Variants in POLR1B observed in about 807,000 individuals in gnomAD.
The protein encoded by POLR1B is RNA polymerase I subunit B.
A neutral mutation model predicts 105.8 loss-of-function variants in POLR1B; 30 were observed. That is an observed-to-expected ratio of 0.28 (90% CI 0.21 to 0.38). The LOEUF is 0.38. Among genes scored for constraint, POLR1B ranks in the 10% least tolerant of loss-of-function variants. The pLI is 1.00. For synonymous variants in POLR1B, 485 were observed against 505.1 expected (o/e 0.96, Z 0.53); for missense variants, 976 against 1,435.8 (o/e 0.68, Z 5.17).
rs1426111020 is a variant in POLR1B at position 112,577,172 on chromosome 2, T to C, written c.*1443T>C. On this transcript the variant is annotated 3_prime_UTR_variant, in exon 15 of 15. Transcript: ENST00000263331. ...GATGAAAGCTTTCCTAAGGTAATTC[T>C]TTCCTGAGTTTGGTTCAGATGGTCT... is the stretch of plus-strand genomic sequence containing the variant. 6.6e-5 allele frequency: 10 copies of C among 152,248 alleles called. No homozygotes were observed. Among genetic ancestry groups the C allele is most frequent in the Admixed American group, 6.5e-4 (10 of 15,278 alleles). The allele number at this position is 152,248 out of a possible 1,614,324, so 9.4% of individuals were successfully genotyped here.
At chr2:112,572,848 C>T (rs1186527031) in intron 13 of POLR1B, 90 bp downstream of exon 13, 3 of 1,160,192 alleles carry the variant, frequency 2.6e-6, no homozygotes, top group Non-Finnish European at 3.6e-6. Context: ...TTTTTGTGTA[C>T]CCAAGTACCT....
chr2:112,552,933 G>A (rs1683450770), intron 7 of POLR1B, 117 bp downstream of exon 7: 2 of 1,008,178 alleles, frequency 2.0e-6, no homozygotes, highest in Non-Finnish European at 1.3e-6. Flanking sequence ...ATTTTGTGTG[G>A]TCTCTTTTTT....
At chr2:112,542,081 G>A (rs1574081552), upstream of POLR1B, 2 of 1,533,142 alleles carry the variant, frequency 1.3e-6, no homozygotes, top group East Asian at 4.9e-5. Flanking sequence ...GCGTGGGACT[G>A]GGAACAGGTG....
At chr2:112,556,697 G>A (rs1279364380) in intron 7 of POLR1B, among the ~76,000 whole-genome samples, 1 of 152,144 alleles carries the variant, frequency 6.6e-6, no homozygotes, top group Non-Finnish European at 1.5e-5. Flanking sequence ...CATCTTCCAC[G>A]TTTTCTTCCA....
chr2:112,549,933 ATATG>A (rs751851541), intron 4 of POLR1B, among the ~76,000 whole-genome samples: 113 of 152,292 alleles, frequency 7.4e-4, no homozygotes, highest in Non-Finnish European at 1.4e-3. Flanking sequence ...TAATATATGT[ATATG>A]TATATTCAAG....
intron 11 of POLR1B, among the ~76,000 whole-genome samples, chr2:112,568,464 A>C (rs977925715): frequency 6.6e-6 from 1 of 152,214 alleles, no homozygotes; most frequent in Non-Finnish European, 1.5e-5. Flanking sequence ...CTTTGCCTAC[A>C]TATTTACAGT....
chr2:112,564,489 G>T lies in POLR1B; in HGVS notation c.1736G>T (p.Arg579Leu). The part of the protein sequence containing the change: ...DLAPGIADSL[R>L]HFKVLREKRI... Reference sequence around the variant, plus strand: ...GCTCCAGGCATCGCAGATTCTCTTCGTCATTTTAAGGTGGGCTTGAGGCTT... The same window carrying T: ...GCTCCAGGCATCGCAGATTCTCTTCTTCATTTTAAGGTGGGCTTGAGGCTT... Residue 579 changes from arginine to leucine, a missense_variant, in exon 10 of 15, where the codon CGT (arginine) becomes CTT (leucine). Physicochemically the swap from Arg to Leu is moderately radical, Grantham distance 102. Around this residue, in one of 12 missense-constraint regions of POLR1B, gnomAD observed 184 missense variants for 197.4 expected, o/e 0.93. Coordinates refer to ENST00000263331, the MANE Select transcript of POLR1B (RefSeq NM_019014.6). The T allele has an allele frequency of 6.2e-7, 1 of 1,614,220 alleles. No individual in the cohort carries two copies. The highest frequency in any genetic ancestry group is 8.5e-7 in the Non-Finnish European group (1 of 1,180,028).
At chr2:112,570,959 T>C (rs1266558864) in intron 12 of POLR1B, among the ~76,000 whole-genome samples, 1 of 152,064 alleles carries the variant, frequency 6.6e-6, no homozygotes, top group Non-Finnish European at 1.5e-5. Flanking sequence ...TTTGTATTTT[T>C]AGTAGAGGCA....
At chr2:112,558,684 T>C (rs1683799331) in intron 8 of POLR1B, among the ~76,000 whole-genome samples, 1 of 151,968 alleles carries the variant, frequency 6.6e-6, no homozygotes, top group Non-Finnish European at 1.5e-5. Context: ...AGTGGCAGGA[T>C]CATGGCTCAC....
At chr2:112,568,608 G>A (rs1282824313) in intron 11 of POLR1B, 138 bp from the exon 12 acceptor site, 1 of 927,032 alleles carries the variant, frequency 1.1e-6, no homozygotes, top group Non-Finnish European at 1.6e-6. Flanking sequence ...GTGCTTCCCA[G>A]TTGATCCCTT....
rs146392101 is a variant in POLR1B, at chr2:112,561,256, G to A, written c.1612+1682G>A. Among the ~76,000 whole-genome samples, 394 of 152,270 alleles carry A rather than the reference G, an allele frequency of 2.6e-3. 1 individual carries two copies. The highest frequency in any genetic ancestry group is 9.1e-3 in the African/African-American group (378 of 41,546). On this transcript the variant is annotated intron_variant, in intron 9 of 14. Transcript: ENST00000263331. ...GGTAGAAAGGAGAAAAGAGAAAGTG[G>A]AGAGGTAGAAAGTATATCCAACTGC...
At chr2:112,559,779 C>T (rs1213137240) in intron 9 of POLR1B, among the ~76,000 whole-genome samples, 3 of 152,078 alleles carry the variant, frequency 2.0e-5, no homozygotes, top group South Asian at 2.1e-4. Context: ...TACAGGCGCC[C>T]GCCACCACAC....
rs926004025 is a variant in POLR1B at position 112,574,065 on chromosome 2, G to A, written c.2525+250G>A. Among the ~76,000 whole-genome samples the A allele has an allele frequency of 2.8e-4, 43 of 151,932 alleles. 1 individual carries two copies. The highest frequency in any genetic ancestry group is 1.2e-4 in the Non-Finnish European group (8 of 67,990). On this transcript the variant is annotated intron_variant, in intron 14 of 14. Transcript: ENST00000263331. ...TCACCATGTTGCCCAGGTAGGTCTC[G>A]AACTCCTGGGCTCAAGTGATCCACC...
intron 8 of POLR1B, among the ~76,000 whole-genome samples, chr2:112,558,916 C>CA (rs1204427354): frequency 3.6e-5 from 4 of 111,932 alleles, no homozygotes; most frequent in Non-Finnish European, 7.9e-5. Context: ...CTGTGCCCCG[C>CA]CTTTTTTTTT....
chr2:112,575,156 T>C lies in POLR1B; in HGVS notation c.2835T>C (p.His945=). The C allele has an allele frequency of 6.2e-7, 1 of 1,614,160 alleles. No homozygotes were observed. Among genetic ancestry groups the C allele is most frequent in the South Asian group, 1.1e-5 (1 of 91,082 alleles). ...CTGCAGCTTTGCATGGTCTCTGCCA[T>C]GATGCTACACCCTTCATCTTCTCAG... is the stretch of plus-strand genomic sequence containing the variant. ...GKSAALHGLC[H]DATPFIFSEE... Residue 945 remains histidine (H), a synonymous_variant, in exon 15 of 15, where the codon CAT becomes CAC. Transcript: ENST00000263331. The surrounding 1 kb of genome is among the most constrained non-coding windows in gnomAD (Gnocchi z 5.3).
chr2:112,579,661 G>C lies in POLR1B; in HGVS notation c.*3932G>C, dbSNP rs908490380. ...TGGCTTTAATTTGCATTTCTCTAAT[G>C]GCTGAAAATGTTGAACATCTCTTCA... On this transcript the variant is annotated 3_prime_UTR_variant, in exon 15 of 15. Coordinates refer to ENST00000263331, the MANE Select transcript of POLR1B (RefSeq NM_019014.6). 6.6e-5 allele frequency: 10 copies of C among 152,166 alleles called. No individual in the cohort carries two copies. In the East Asian group the frequency reaches 1.9e-3, roughly 29 times the overall value. The allele number at this position is 152,166 out of a possible 1,614,324, so 9.4% of individuals were successfully genotyped here.
rs760915371 is a variant in POLR1B at position 112,575,524 on chromosome 2, A to G, written c.3203A>G (p.His1068Arg). The change falls in exon 15 of 15, where the codon CAT becomes CGT. Residue 1068 changes from histidine to arginine, a missense_variant. By Grantham distance (29) the His-to-Arg change is conservative (BLOSUM62 0). Transcript: ENST00000263331. The surrounding 1 kb of genome is among the most constrained non-coding windows in gnomAD (Gnocchi z 5.3). ...LFNCSDRSVA[H>R]VCVKCGSLLS... Reference sequence around the variant, plus strand: ...AACTGCTCAGATCGGTCGGTAGCCCATGTGTGTGTGAAGTGTGGCAGTTTA... The same window carrying G: ...AACTGCTCAGATCGGTCGGTAGCCCGTGTGTGTGTGAAGTGTGGCAGTTTA... 2 of 1,614,088 alleles carry G rather than the reference A, an allele frequency of 1.2e-6. No individual in the cohort carries two copies. Among genetic ancestry groups the G allele is most frequent in the East Asian group, 2.2e-5 (1 of 44,864 alleles).
chr2:112,546,874 G>A (rs1174157799), intron 1 of POLR1B, 138 bp from the exon 2 acceptor site: 4 of 910,440 alleles, frequency 4.4e-6, no homozygotes, highest in African/African-American at 1.7e-5. Flanking sequence ...ACTGGAGGTA[G>A]CCTTAACTGT....
At chr2:112,543,979 C>T (rs918657558) in intron 1 of POLR1B, among the ~76,000 whole-genome samples, 5 of 151,452 alleles carry the variant, frequency 3.3e-5, no homozygotes, top group Non-Finnish European at 7.4e-5. Flanking sequence ...GTCCCAGCTA[C>T]TCGGGAGGCT....
Sources: allele counts gnomAD v4.1 joint callset (sites outside exome capture counted in the v4.1 genomes callset), GRCh38; gene constraint gnomAD v4.1.1; regional missense constraint gnomAD v4.1.1; non-coding constraint Gnocchi (gnomAD v3.1); transcripts MANE v1.5; gene names NCBI Gene and HGNC (gene_info 2026-07-23, HGNC 2026-07-21).